DIDO1: variants seen among roughly 807,000 people sequenced by gnomAD.
The protein encoded by DIDO1 is death inducer-obliterator 1.
A neutral mutation model predicts 99.4 loss-of-function variants in DIDO1; 16 were observed. That is an observed-to-expected ratio of 0.16 (90% CI 0.11 to 0.24). DIDO1 has a LOEUF of 0.24. DIDO1 is among the 10% of genes least tolerant of loss of function. The pLI is 1.00. For missense variants in DIDO1, 2,996 were observed against 3,014.0 expected (o/e 0.99, Z 0.14); for synonymous variants, 1,366 against 1,239.1 (o/e 1.10, Z -2.15).
intron 1 of DIDO1, among the ~76,000 whole-genome samples, chr20:62,922,190 G>T (rs1035285459): frequency 7.2e-6 from 1 of 139,154 alleles, no homozygotes; most frequent in Admixed American, 7.4e-5. Flanking sequence ...GTATGTGTGT[G>T]TGTGTGTATA....
In DIDO1 at chr20:62,896,632, T is replaced by A; in HGVS notation, c.1953A>T (p.Pro651=). 2.5e-6 allele frequency: 4 copies of A among 1,613,970 alleles called. No individual in the cohort carries two copies. Among genetic ancestry groups the A allele is most frequent in the Non-Finnish European group, 3.4e-6 (4 of 1,179,860 alleles). The change falls in exon 7 of 16, where the codon CCA becomes CCT. Residue 651 remains proline, a synonymous_variant. Coordinates refer to ENST00000395343, the MANE Select transcript of DIDO1 (RefSeq NM_001193369.2). The surrounding 1 kb of genome is among the most constrained non-coding windows in gnomAD (Gnocchi z 4.4). The part of the protein sequence containing the change: ...PVVPSVPMAS[P]APGRLGAMSA... The stretch of plus-strand genomic sequence containing the variant: ...TCATAGCCCCAAGGCGTCCTGGGGC[T>A]GGCGAGGCCATTGGAACAGAAGGTA...
At chr20:62,929,692 A>AAAAAAAAAAAAAAT, upstream of DIDO1, among the ~76,000 whole-genome samples, 52 of 63,734 alleles carry the variant, frequency 8.2e-4, 2 homozygotes, top group African/African-American at 3.8e-3. Flanking sequence ...AAAAAGAAAA[A>AAAAAAAAAAAAAAT]GTGTATATAT....
intron 4 of DIDO1, among the ~76,000 whole-genome samples, chr20:62,909,063 G>A (rs1411720429): frequency 3.9e-5 from 6 of 152,224 alleles, no homozygotes; most frequent in African/African-American, 1.4e-4. Flanking sequence ...TGCAGCTAAT[G>A]CAGTGCAAGA....
chr20:62,920,333 A>G (rs1279494600), intron 1 of DIDO1, among the ~76,000 whole-genome samples: 2 of 152,186 alleles, frequency 1.3e-5, no homozygotes, highest in African/African-American at 4.8e-5. Context: ...AGAGACCTGC[A>G]TAATTCCATG....
chr20:62,890,963 G>A lies in DIDO1; in HGVS notation c.3538C>T (p.Pro1180Ser). 6.2e-7 allele frequency: 1 copy of A among 1,613,888 alleles called. No individual in the cohort carries two copies. The highest frequency in any genetic ancestry group is 8.5e-7 in the Non-Finnish European group (1 of 1,180,046). Residue 1180 changes from proline to serine, a missense_variant, in exon 15 of 16, where the codon CCA (proline) becomes TCA (serine). Coordinates refer to ENST00000395343, the MANE Select transcript of DIDO1 (RefSeq NM_001193369.2). ...CACCCAGAAAGCCGGCGCTTACCTG[G>A]TCCCTCAAAGGGCAAGAGTTTGGAT... is the stretch of plus-strand genomic sequence containing the variant. ...VPSKLLPFEG[P>S]GLESPRPNII...
intron 6 of DIDO1, among the ~76,000 whole-genome samples, chr20:62,898,187 G>GT (rs2064580542): frequency 6.6e-6 from 1 of 152,194 alleles, no homozygotes; most frequent in Admixed American, 6.5e-5. Flanking sequence ...AATAAATGAG[G>GT]TAAGTCTGAA....
At chr20:62,932,483 G>A (rs1007860410) in intron 1 of DIDO1, among the ~76,000 whole-genome samples, 4 of 152,146 alleles carry the variant, frequency 2.6e-5, no homozygotes, top group Non-Finnish European at 5.9e-5. Flanking sequence ...ACCAGTAACT[G>A]TCTATCAAAT....
intron 1 of DIDO1, among the ~76,000 whole-genome samples, chr20:62,933,224 A>G (rs1032543092): frequency 1.3e-5 from 2 of 152,054 alleles, no homozygotes; most frequent in African/African-American, 4.8e-5. Context: ...ACAAAAAAAC[A>G]ACAACAAAAG....
At chr20:62,890,858 C>T in intron 15 of DIDO1, 102 bp downstream of exon 15, 6 of 1,600,034 alleles carry the variant, frequency 3.7e-6, no homozygotes, top group Non-Finnish European at 4.3e-6. Flanking sequence ...ACTCCTGCTC[C>T]CAGAGAGCCC....
At chr20:62,905,065 C>A (rs2064770719) in intron 6 of DIDO1, 2 of 990,000 alleles carry the variant, frequency 2.0e-6, no homozygotes, top group Non-Finnish European at 2.4e-6. Context: ...AAAATTGCAC[C>A]ACAGAATCTG....
intron 15 of DIDO1, chr20:62,888,523 C>G (rs2064336107): frequency 2.0e-6 from 2 of 985,520 alleles, no homozygotes; most frequent in Non-Finnish European, 1.2e-6. Context: ...ACGCTCACCC[C>G]TGACCACAGC....
intron 15 of DIDO1, 132 bp downstream of exon 15, chr20:62,890,828 C>G: frequency 6.4e-7 from 1 of 1,555,692 alleles, no homozygotes; most frequent in Non-Finnish European, 8.7e-7. Context: ...CTATTGCTAA[C>G]CGCTGCGTCT....
In DIDO1 at chr20:62,879,086, G is replaced by GT; in HGVS notation, c.*146dup. ...CAGAATTGTAAAGATGTGAAATCTT[G>GT]TAAGAAACCATTTACACAAAATTAC... On this transcript the variant is annotated 3_prime_UTR_variant, in exon 16 of 16. Coordinates refer to ENST00000395343, the MANE Select transcript of DIDO1 (RefSeq NM_001193369.2). The surrounding 1 kb of genome is among the most constrained non-coding windows in gnomAD (Gnocchi z 6.3). 4.5e-6 allele frequency: 3 copies of GT among 667,100 alleles called. No individual in the cohort carries two copies. Among genetic ancestry groups the GT allele is most frequent in the Non-Finnish European group, 6.7e-6 (3 of 447,906 alleles). The allele number at this position is 667,100 out of a possible 1,614,324, so 41.3% of individuals were successfully genotyped here. A position where few individuals can be genotyped will look rare whatever the true frequency, so the allele number is the denominator to read the frequency against.
chr20:62,879,720 C>T lies in DIDO1; in HGVS notation c.6236G>A (p.Arg2079Lys). The part of the protein sequence containing the change: ...DFREGKGHEY[R>K]NQTFEGRQRE... ...CTGCCTCCCTTCGAAAGTCTGGTTTCTGTATTCGTGGCCTTTCCCCTCTCG... is the reference window on the plus strand; with the variant it reads ...CTGCCTCCCTTCGAAAGTCTGGTTTTTGTATTCGTGGCCTTTCCCCTCTCG... The change falls in exon 16 of 16, where the codon AGA becomes AAA. Residue 2079 changes from arginine (R) to lysine (K), a missense_variant. This residue lies in a region of DIDO1 where 1,562 missense variants were observed against 1,412.6 expected (regional missense o/e 1.11). Coordinates refer to ENST00000395343, the MANE Select transcript of DIDO1 (RefSeq NM_001193369.2). This position sits in a 1 kb window ranked among gnomAD's most constrained non-coding sequence, Gnocchi z 6.3. 6.2e-7 allele frequency: 1 copy of T among 1,611,738 alleles called. No homozygotes were observed.
At chr20:62,909,626 A>C (rs2064883626) in intron 4 of DIDO1, 73 bp downstream of exon 4, 1 of 1,561,556 alleles carries the variant, frequency 6.4e-7, no homozygotes, top group Non-Finnish European at 8.7e-7. Context: ...CCTGGGAGGA[A>C]TTTCTATCTA....
rs377367877 is a variant in DIDO1, at chr20:62,892,088, G to A, written c.3256-12C>T. On this transcript the variant is annotated splice_polypyrimidine_tract_variant and intron_variant, in intron 13 of 15. Transcript: ENST00000395343. ...GTGTCAGGCAAATCCTAAACAGAAA[G>A]TACTTTGCGTAAATCACTTTGAACT... 1.9e-5 allele frequency: 31 copies of A among 1,607,128 alleles called. No homozygotes were observed. Among genetic ancestry groups the A allele is most frequent in the Middle Eastern group, 1.7e-4 (1 of 6,058 alleles).
rs150928701 is a variant in DIDO1 at position 62,891,000 on chromosome 20, C to G, written c.3501G>C (p.Gln1167His). 11,350 of 1,614,132 alleles carry G rather than the reference C, an allele frequency of 7.0e-3. 44 individuals carry two copies. Among genetic ancestry groups the G allele is most frequent in the Non-Finnish European group, 7.8e-3 (9,210 of 1,180,034 alleles). The part of the protein sequence containing the change: ...KDLYLIPLSA[Q>H]DPVPSKLLPF... ...GCAAGAGTTTGGATGGAACAGGGTC[C>G]TGGGCGCTCAGCGGGATCAGGTAGA... The change falls in exon 15 of 16, where the codon CAG becomes CAC. Residue 1167 changes from glutamine (Q) to histidine (H), a missense_variant. By Grantham distance (24) the Gln-to-His change is conservative. This residue lies in a region of DIDO1 where 135 missense variants were observed against 202.3 expected (regional missense o/e 0.67). Coordinates refer to ENST00000395343, the MANE Select transcript of DIDO1 (RefSeq NM_001193369.2).
chr20:62,931,036 GC>G (rs1444494426), upstream of DIDO1, among the ~76,000 whole-genome samples: 1 of 152,204 alleles, frequency 6.6e-6, no homozygotes, highest in Non-Finnish European at 1.5e-5. Flanking sequence ...TGCCTCCCAG[GC>G]TCAAGCAACC....
intron 1 of DIDO1, among the ~76,000 whole-genome samples, chr20:62,922,109 T>TATATATACACACACAC: frequency 9.0e-6 from 1 of 110,640 alleles, no homozygotes; most frequent in South Asian, 3.0e-4. Context: ...ACTATATATA[T>TATATATACACACACAC]ACACACACAC....
Sources: gnomAD v4.1 joint callset for allele counts (sites outside exome capture counted in the v4.1 genomes callset) on GRCh38, gnomAD v4.1.1 for gene constraint, gnomAD v4.1.1 regional missense constraint, Gnocchi (gnomAD v3.1) non-coding constraint, MANE v1.5 for transcripts, NCBI Gene and HGNC (gene_info 2026-07-23, HGNC 2026-07-21) for gene names.